The following IDE variants were observed in gnomAD, a reference collection of about 807,000 sequenced individuals.
IDE encodes insulin-degrading enzyme.
Under a neutral mutation model 133.2 loss-of-function variants are expected in IDE, and 58 were observed. The observed-to-expected ratio is 0.44, with a 90% CI of 0.35 to 0.54. The LOEUF is 0.54. IDE is among the 20% of genes least tolerant of loss of function. IDE has a pLI of 0.00. For synonymous variants in IDE, 396 were observed against 421.3 expected, an observed-to-expected ratio of 0.94 and a Z score of 0.73; for missense variants, 981 against 1,234.0, an observed-to-expected ratio of 0.79 and a Z score of 3.07.
intron 17 of IDE, among the ~76,000 whole-genome samples, chr10:92,473,043 C>A (rs2135384246): frequency 6.7e-6 from 1 of 149,880 alleles, no homozygotes; most frequent in African/African-American, 2.5e-5. Context: ...CCCAGGTTCA[C>A]GACATTCTCC....
At chr10:92,514,692 C>G (rs150400759) in intron 5 of IDE, among the ~76,000 whole-genome samples, 1 of 151,494 alleles carries the variant, frequency 6.6e-6, no homozygotes, top group African/African-American at 2.4e-5. Flanking sequence ...GCACCTATTA[C>G]TGTAGTAATT....
chr10:92,566,735 ATAAC>A (rs1413574894), intron 1 of IDE, among the ~76,000 whole-genome samples: 1 of 152,186 alleles, frequency 6.6e-6, no homozygotes, highest in East Asian at 1.9e-4. Flanking sequence ...ACATTTCAAA[ATAAC>A]TAAAAGAGTT....
intron 1 of IDE, among the ~76,000 whole-genome samples, chr10:92,565,669 C>G (rs1405663365): frequency 1.3e-5 from 2 of 152,122 alleles, no homozygotes; most frequent in Non-Finnish European, 2.9e-5. Flanking sequence ...GTCTTCAACT[C>G]TATCTTCAGA....
At chr10:92,494,613 T>A (rs995876605) in intron 11 of IDE, among the ~76,000 whole-genome samples, 17 of 152,136 alleles carry the variant, frequency 1.1e-4, no homozygotes, top group African/African-American at 4.1e-4. Flanking sequence ...AAATGAAACA[T>A]GAGAAAACAC....
At position 92,490,487 on chromosome 10, in the gene IDE, C is replaced by G. The variant is rs200033956; in HGVS notation, c.1533+6G>C. 1.3e-6 allele frequency: 2 copies of G among 1,535,626 alleles called. No individual in the cohort carries two copies. Among genetic ancestry groups the G allele is most frequent in the East Asian group, 2.2e-5 (1 of 44,474 alleles). On this transcript the variant is annotated splice_donor_region_variant and intron_variant, in intron 12 of 24. Coordinates refer to ENST00000265986, the MANE Select transcript of IDE (RefSeq NM_004969.4). ...TCAGGCTTATTCATAGATGAGTTAA[C>G]CCTACCTTGATGACTTCATCCGGTA...
chr10:92,534,023 G>GAA (rs57350070), intron 3 of IDE, among the ~76,000 whole-genome samples: 2 of 138,746 alleles, frequency 1.4e-5, no homozygotes, highest in Admixed American at 7.3e-5. Context: ...AACTCCGTCT[G>GAA]AAAAAAAAAA....
chr10:92,524,433 T>TATATTA lies in IDE; in HGVS notation c.661+7314_661+7315insTAATAT, dbSNP rs1564647866. Among the ~76,000 whole-genome samples, 73 of 30,756 alleles carry TATATTA rather than the reference T, an allele frequency of 2.4e-3. 15 individuals are homozygous for TATATTA. Among genetic ancestry groups the TATATTA allele is most frequent in the African/African-American group, 8.5e-3 (72 of 8,520 alleles). 20.2% of individuals were successfully genotyped at this position (30,756 alleles called of 152,430 possible). A position where few individuals can be genotyped will look rare whatever the true frequency, so the allele number is the denominator to read the frequency against. On this transcript the variant is annotated intron_variant, in intron 4 of 24. Coordinates refer to ENST00000265986, the MANE Select transcript of IDE (RefSeq NM_004969.4). ...TATATTATATTATATATAATATATT[T>TATATTA]TATATAATATATTTTATATATTATA...
rs1844865813 is a variant in IDE, at chr10:92,454,071, A to G, written c.*373T>C. ...AAATGTTGTGAAGCCTTCTATGTCA[A>G]GCTAGGAGGCTTTTAGAAAAGAGCT... On this transcript the variant is annotated 3_prime_UTR_variant, in exon 25 of 25. Coordinates refer to ENST00000265986, the MANE Select transcript of IDE (RefSeq NM_004969.4). 6.1e-6 allele frequency: 1 copy of G among 162,850 alleles called. No homozygotes were observed. The highest frequency in any genetic ancestry group is 1.3e-5 in the Non-Finnish European group (1 of 74,364). 10.1% of individuals were successfully genotyped at this position (162,850 alleles called of 1,614,324 possible).
chr10:92,536,250 G>A (rs1185169585), intron 2 of IDE, among the ~76,000 whole-genome samples: 1 of 151,250 alleles, frequency 6.6e-6, no homozygotes, highest in Non-Finnish European at 1.5e-5. Flanking sequence ...GGGCATGATG[G>A]TGGACGCCTG....
intron 1 of IDE, among the ~76,000 whole-genome samples, chr10:92,569,730 T>TCA (rs1843702512): frequency 6.6e-6 from 1 of 152,150 alleles, no homozygotes; most frequent in South Asian, 2.1e-4. Context: ...ATCAATTAAG[T>TCA]TATGCAGTAA....
In IDE at chr10:92,454,547, G is replaced by A; in HGVS notation, c.2965-8C>T. 1 of 1,608,814 alleles carries A rather than the reference G, an allele frequency of 6.2e-7. No homozygotes were observed. ...GTTCTGAATCACTTCAGGCTGCAAA[G>A]AAAAAAGTTTCCTTTTAGTGTATTT... On this transcript the variant is annotated splice_region_variant and splice_polypyrimidine_tract_variant and intron_variant, in intron 24 of 24. Transcript: ENST00000265986.
At chr10:92,520,393 T>C (rs898667980) in intron 4 of IDE, among the ~76,000 whole-genome samples, 1 of 152,202 alleles carries the variant, frequency 6.6e-6, no homozygotes, top group African/African-American at 2.4e-5. Context: ...GCCAGCAATA[T>C]ATTTCTTATA....
chr10:92,479,312 T>C lies in IDE; in HGVS notation c.1849A>G (p.Ser617Gly). ...YAYAAELAGL[S>G]YDLQNTIYGM... ...TAGATGGTATTTTGGAGATCATAGC[T>C]CAAGCCTGCTAGCTCTGCTGCATAT... is the stretch of plus-strand genomic sequence containing the variant. Residue 617 changes from serine to glycine, a missense_variant, in exon 15 of 25, where the codon AGC (serine) becomes GGC (glycine). Transcript: ENST00000265986. 1.2e-6 allele frequency: 2 copies of C among 1,613,742 alleles called. No homozygotes were observed. Among genetic ancestry groups the C allele is most frequent in the Non-Finnish European group, 1.7e-6 (2 of 1,179,672 alleles).
chr10:92,480,710 T>A (rs1241646363), intron 14 of IDE: 1 of 152,608 alleles, frequency 6.6e-6, no homozygotes, highest in Non-Finnish European at 1.5e-5. Flanking sequence ...AAAGTTTCAC[T>A]CTACTTGTAG....
Position 92,455,592 on chromosome 10 carries a change from G to T in IDE, c.2948C>A (p.Ala983Glu). The T allele has an allele frequency of 6.3e-7, 1 of 1,595,060 alleles. No individual in the cohort carries two copies. The highest frequency in any genetic ancestry group is 8.6e-7 in the Non-Finnish European group (1 of 1,162,934). Residue 983 changes from alanine (A) to glutamate (E), a missense_variant, in exon 24 of 25, where the codon GCA becomes GAA. Coordinates refer to ENST00000265986, the MANE Select transcript of IDE (RefSeq NM_004969.4). ...PCQNDINLSQ[A>E]PALPQPEVIQ... ...ATTTCTTACTTGTGGCAAGGCTGGT[G>T]CTTGTGACAAATTTATGTCATTTTG...
At chr10:92,476,211 T>C (rs2135397293) in intron 15 of IDE, among the ~76,000 whole-genome samples, 1 of 152,068 alleles carries the variant, frequency 6.6e-6, no homozygotes, top group East Asian at 1.9e-4. Context: ...TTCGCTCTTG[T>C]TGCCCAGGCT....
At chr10:92,531,280 T>C (rs919385663) in intron 4 of IDE, among the ~76,000 whole-genome samples, 5 of 152,212 alleles carry the variant, frequency 3.3e-5, no homozygotes, top group Admixed American at 6.5e-5. Flanking sequence ...CTCTAGGAGA[T>C]TGTAGCACTT....
At chr10:92,546,705 A>C (rs1589519163) in intron 1 of IDE, among the ~76,000 whole-genome samples, 1 of 152,222 alleles carries the variant, frequency 6.6e-6, no homozygotes, top group East Asian at 1.9e-4. Context: ...CAGTATGCTA[A>C]ATCTTTTAAC....
In IDE at chr10:92,508,146, T is replaced by C; in HGVS notation, c.1120A>G (p.Ile374Val). 1 of 1,613,820 alleles carries C rather than the reference T, an allele frequency of 6.2e-7. No homozygotes were observed. The highest frequency in any genetic ancestry group is 1.6e-4 in the Middle Eastern group (1 of 6,062). Residue 374 changes from isoleucine to valine, a missense_variant, in exon 8 of 25, where the codon ATC (isoleucine) becomes GTC (valine). Around this residue, in one of 2 missense-constraint regions of IDE, gnomAD observed 660 missense variants for 894.7 expected, o/e 0.74. Transcript: ENST00000265986. Reference protein sequence around the residue: ...KEGARGFMFFIINVDLTEEGL... With the variant: ...KEGARGFMFFVINVDLTEEGL... ...TCCTCGGTCAAGTCCACATTAATGA[T>C]AAAAAACATAAAACCTCGGGCTCCT...
Sources: gnomAD v4.1 joint callset for allele counts (sites outside exome capture counted in the v4.1 genomes callset) on GRCh38, gnomAD v4.1.1 for gene constraint, gnomAD v4.1.1 regional missense constraint, MANE v1.5 for transcripts, NCBI Gene and HGNC (gene_info 2026-07-23, HGNC 2026-07-21) for gene names.